The following SPATA31F1 variants were observed in gnomAD, a reference collection of about 807,000 sequenced individuals.
SPATA31F1 encodes SPATA31 subfamily F member 1, also known as protein SPATA31F1.
chr9:34,724,493 T>A, the SPATA31F1 span: 37 of 1,551,678 alleles, frequency 2.4e-5, no homozygotes, highest in Admixed American at 3.9e-5. Flanking sequence ...TGCAACAGTT[T>A]GTTCCCTGGA....
chr9:34,727,145 C>T, the SPATA31F1 span, among the ~76,000 whole-genome samples: 1 of 152,188 alleles, frequency 6.6e-6, no homozygotes, highest in Admixed American at 6.5e-5. Context: ...TAAGAAAATG[C>T]CATTTGGCAA....
the SPATA31F1 span, among the ~76,000 whole-genome samples, chr9:34,727,519 A>G: frequency 6.6e-6 from 1 of 152,150 alleles, no homozygotes; most frequent in East Asian, 1.9e-4. Context: ...TCTTAAGGAG[A>G]GGATAATATA....
the SPATA31F1 span, chr9:34,729,349 T>C: frequency 1.5e-5 from 23 of 1,551,846 alleles, no homozygotes; most frequent in East Asian, 2.7e-4. Flanking sequence ...TGCCAGATAA[T>C]TACAATAACG....
chr9:34,724,275 C>A, the SPATA31F1 span: 1 of 1,551,524 alleles, frequency 6.4e-7, no homozygotes, highest in Non-Finnish European at 8.7e-7. Context: ...ACCGAGTGGG[C>A]AGAACCCTGG....
chr9:34,725,920 G>A, the SPATA31F1 span: 17 of 1,551,750 alleles, frequency 1.1e-5, no homozygotes, highest in Non-Finnish European at 1.2e-5. Flanking sequence ...GGGACTCACT[G>A]TGCAGAGAAG....
At chr9:34,723,647 A>G in the SPATA31F1 span, 8 of 1,551,518 alleles carry the variant, frequency 5.2e-6, no homozygotes, top group Admixed American at 3.9e-5. Flanking sequence ...TTGAGCATGG[A>G]CTGGCATCAC....
the SPATA31F1 span, chr9:34,729,225 A>C: frequency 6.6e-7 from 1 of 1,505,366 alleles, no homozygotes; most frequent in Non-Finnish European, 8.9e-7. Context: ...GGAGCACGGT[A>C]AGAACTTATA....
the SPATA31F1 span, chr9:34,726,819 T>C: frequency 1.9e-6 from 3 of 1,551,758 alleles, no homozygotes; most frequent in Non-Finnish European, 2.6e-6. Flanking sequence ...GTAGACAGCA[T>C]CTCTAGGCAA....
chr9:34,726,971 A>G, the SPATA31F1 span: 2 of 1,547,746 alleles, frequency 1.3e-6, no homozygotes, highest in Non-Finnish European at 1.7e-6. Flanking sequence ...ACTTCTCTCC[A>G]GAGGAAGCCA....
chr9:34,724,011 G>A, the SPATA31F1 span: 148 of 1,547,338 alleles, frequency 9.6e-5, 1 homozygote, highest in African/African-American at 7.0e-4. Context: ...TCAGCAGGGC[G>A]TCTCTCTTCT....
At chr9:34,726,809 G>C in the SPATA31F1 span, 2 of 1,551,794 alleles carry the variant, frequency 1.3e-6, no homozygotes, top group Non-Finnish European at 1.7e-6. Context: ...CATACTAGAC[G>C]TAGACAGCAT....
the SPATA31F1 span, chr9:34,729,159 A>G: frequency 4.3e-6 from 5 of 1,175,410 alleles, no homozygotes; most frequent in Non-Finnish European, 5.9e-6. Context: ...GAAGAAAAGT[A>G]TTACACAAAG....
the SPATA31F1 span, chr9:34,724,301 T>G: frequency 9.7e-6 from 15 of 1,551,318 alleles, no homozygotes; most frequent in Non-Finnish European, 1.3e-5. Flanking sequence ...AGCTTTGGAA[T>G]TGGATTGCTT....
At chr9:34,723,327 G>A in the SPATA31F1 span, 1 of 1,551,732 alleles carries the variant, frequency 6.4e-7, no homozygotes, top group South Asian at 1.2e-5. Context: ...GAGCCAGGTT[G>A]TCTGGAGTGT....
the SPATA31F1 span, chr9:34,725,079 A>T: frequency 1.3e-6 from 2 of 1,551,570 alleles, no homozygotes; most frequent in African/African-American, 2.7e-5. Context: ...AGTTCCAGGA[A>T]CTGGCTTTCT....
At chr9:34,728,892 G>T in the SPATA31F1 span, among the ~76,000 whole-genome samples, 4 of 152,090 alleles carry the variant, frequency 2.6e-5, no homozygotes, top group Non-Finnish European at 5.9e-5. Flanking sequence ...GATTCACAGA[G>T]AAGTCCTGCT....
At chr9:34,727,924 CA>C in the SPATA31F1 span, 2 of 1,141,484 alleles carry the variant, frequency 1.8e-6, no homozygotes, top group African/African-American at 1.6e-5. Flanking sequence ...GTCTCCCTCC[CA>C]GCCATTATCT....
At chr9:34,726,433 G>A in the SPATA31F1 span, 1 of 1,551,106 alleles carries the variant, frequency 6.4e-7, no homozygotes, top group Non-Finnish European at 8.7e-7. Flanking sequence ...GATGCATCCG[G>A]TTCAGGGTTT....
At chr9:34,724,543 G>A in the SPATA31F1 span, 7 of 1,549,850 alleles carry the variant, frequency 4.5e-6, no homozygotes, top group South Asian at 8.3e-5. Context: ...GTATCTCTAG[G>A]ACCTTTTTTC....
Sources: gnomAD v4.1 joint callset for allele counts (sites outside exome capture counted in the v4.1 genomes callset) on GRCh38, gnomAD v4.1.1 for gene constraint, MANE v1.5 for transcripts, NCBI Gene and HGNC (gene_info 2026-07-23, HGNC 2026-07-21) for gene names.